Variants in KIF13B observed in about 807,000 individuals in gnomAD.
KIF13B encodes kinesin family member 13B.
Under a neutral mutation model 222.0 loss-of-function variants are expected in KIF13B, and 127 were observed. The observed-to-expected ratio is 0.57, with a 90% confidence interval of 0.50 to 0.66. KIF13B has a LOEUF of 0.66. Ranked by LOEUF, KIF13B falls within the 30% of genes least tolerant of loss-of-function variation. KIF13B has a pLI of 0.00. For missense variants in KIF13B, 2,173 were observed against 2,379.0 expected (o/e 0.91, Z 1.80); for synonymous variants, 976 against 919.0 (o/e 1.06, Z -1.12).
At chr8:29,127,345 G>A in intron 24 of KIF13B, 77 bp from the exon 25 acceptor site, 1 of 1,251,300 alleles carries the variant, frequency 8.0e-7, no homozygotes, top group Non-Finnish European at 1.1e-6. Flanking sequence ...ACCCCTACAG[G>A]CTGATGTTGA....
intron 28 of KIF13B, 105 bp from the exon 29 acceptor site, chr8:29,122,751 A>T (rs1352778060): frequency 2.3e-6 from 2 of 870,468 alleles, no homozygotes; most frequent in Non-Finnish European, 3.8e-6. Flanking sequence ...AGGGCAAAGC[A>T]GTAATAACCC....
intron 10 of KIF13B, among the ~76,000 whole-genome samples, chr8:29,171,849 C>T (rs1474974979): frequency 6.7e-6 from 1 of 149,048 alleles, no homozygotes; most frequent in African/African-American, 2.5e-5. Flanking sequence ...CCTCTACCTC[C>T]TGGGTACAAT....
chr8:29,146,347 CTT>C, intron 18 of KIF13B, 29 bp downstream of exon 18: 1 of 1,611,358 alleles, frequency 6.2e-7, no homozygotes, highest in Non-Finnish European at 8.5e-7. Flanking sequence ...CCAATGAGAT[CTT>C]TGTTTTTTTC....
intron 1 of KIF13B, among the ~76,000 whole-genome samples, chr8:29,253,751 A>G (rs1305831093): frequency 2.1e-5 from 3 of 145,186 alleles, no homozygotes; most frequent in Non-Finnish European, 3.0e-5. Flanking sequence ...AACTGCTTGA[A>G]TCTGGGAGGC....
Position 29,070,865 on chromosome 8 carries a change from C to A in KIF13B, c.5219-99G>T, listed in dbSNP as rs966663490. 1.6e-6 allele frequency: 2 copies of A among 1,275,214 alleles called. No homozygotes were observed. The highest frequency in any genetic ancestry group is 2.6e-5 in the East Asian group (1 of 39,108). The allele number at this position is 1,275,214 out of a possible 1,614,324, so 79.0% of individuals were successfully genotyped here. A position where few individuals can be genotyped will look rare whatever the true frequency, so the allele number is the denominator to read the frequency against. On this transcript the variant is annotated intron_variant, in intron 39 of 39. Transcript: ENST00000524189. This position sits in a 1 kb window ranked among gnomAD's most constrained non-coding sequence, Gnocchi z 4.1. ...CAGAGGCCATGTGCCCACACTGCCA[C>A]CCCCCCGCACAGGCCCTACACAGCC... is the stretch of plus-strand genomic sequence containing the variant.
intron 10 of KIF13B, among the ~76,000 whole-genome samples, chr8:29,170,137 G>A (rs1812175057): frequency 6.6e-6 from 1 of 152,212 alleles, no homozygotes; most frequent in Non-Finnish European, 1.5e-5. Context: ...AGTAGAAAGT[G>A]TCTTGTTTAC....
chr8:29,170,370 T>C (rs1253631984), intron 10 of KIF13B, among the ~76,000 whole-genome samples: 2 of 152,202 alleles, frequency 1.3e-5, no homozygotes, highest in Non-Finnish European at 2.9e-5. Flanking sequence ...AGAACAGAGC[T>C]GAAATTACTC....
chr8:29,163,039 T>C (rs1425571623), intron 12 of KIF13B, among the ~76,000 whole-genome samples: 3 of 152,228 alleles, frequency 2.0e-5, no homozygotes, highest in Admixed American at 6.5e-5. Context: ...ATGCATTGTC[T>C]GTCAACCCCT....
In KIF13B at chr8:29,119,717, C is replaced by A. The variant is rs768691298; in HGVS notation, c.3536-725G>T. ...AGAACAGGCCAGAATCACCCTCAGG[C>A]GCCAAGTTCAGAACACCACAGCAGG... On this transcript the variant is annotated intron_variant, in intron 29 of 39. Transcript: ENST00000524189. 2.0e-5 allele frequency among the ~76,000 whole-genome samples: 3 copies of A among 152,142 alleles called. No individual in the cohort carries two copies. In the East Asian group the frequency reaches 5.8e-4, roughly 29 times the overall value.
intron 13 of KIF13B, among the ~76,000 whole-genome samples, chr8:29,160,286 A>C (rs1429635176): frequency 6.6e-6 from 1 of 152,214 alleles, no homozygotes; most frequent in Admixed American, 6.5e-5. Context: ...AATTTTTCCT[A>C]AGAGTTACTG....
chr8:29,255,038 A>T (rs1279400309), intron 1 of KIF13B, among the ~76,000 whole-genome samples: 1 of 152,364 alleles, frequency 6.6e-6, no homozygotes, highest in Admixed American at 6.5e-5. Flanking sequence ...GTGAGATACA[A>T]AAGTCCACAT....
intron 2 of KIF13B, among the ~76,000 whole-genome samples, chr8:29,203,889 T>C (rs1393861341): frequency 2.2e-4 from 11 of 50,614 alleles, no homozygotes; most frequent in African/African-American, 9.1e-4. Context: ...GGGAGTTCCG[T>C]CTCAAAAAAA....
At chr8:29,112,597 C>T (rs948193395) in intron 32 of KIF13B, among the ~76,000 whole-genome samples, 4 of 152,216 alleles carry the variant, frequency 2.6e-5, no homozygotes, top group East Asian at 1.9e-4. Flanking sequence ...ATGTCTCACA[C>T]CCCCACTTCT....
At chr8:29,083,595 A>G (rs749248505) in intron 37 of KIF13B, among the ~76,000 whole-genome samples, 10 of 152,212 alleles carry the variant, frequency 6.6e-5, no homozygotes, top group Non-Finnish European at 1.5e-4. Context: ...TATGTCCACT[A>G]TATTACCTAC....
chr8:29,220,188 A>G (rs957089731), intron 2 of KIF13B, among the ~76,000 whole-genome samples: 4 of 152,248 alleles, frequency 2.6e-5, no homozygotes, highest in African/African-American at 9.6e-5. Flanking sequence ...CTGAAATGTA[A>G]GGCTACGTGA....
intron 1 of KIF13B, among the ~76,000 whole-genome samples, chr8:29,252,531 T>A (rs1218144191): frequency 1.3e-5 from 2 of 152,246 alleles, no homozygotes; most frequent in African/African-American, 4.8e-5. Flanking sequence ...TATCTAACTA[T>A]AATTTACTCT....
At chr8:29,209,324 T>C (rs1814101900) in intron 2 of KIF13B, among the ~76,000 whole-genome samples, 1 of 152,106 alleles carries the variant, frequency 6.6e-6, no homozygotes, top group African/African-American at 2.4e-5. Context: ...GTCTCTCCAT[T>C]CTGATGTGGA....
In KIF13B at chr8:29,147,432, G is replaced by A. The variant is rs761718096; in HGVS notation, c.1984C>T (p.Pro662Ser). The change falls in exon 17 of 40, where the codon CCC (proline) becomes TCC (serine). Residue 662 changes from proline (P) to serine (S), a missense_variant. Around this residue, in one of 2 missense-constraint regions of KIF13B, gnomAD observed 1,480 missense variants for 1,722.8 expected, o/e 0.86. Transcript: ENST00000524189. ...TGTCTTAAGCGTTGCTGAGCGCTGG[G>A]CGAGTGGAAAGAAAACCTGTCCATG... is the stretch of plus-strand genomic sequence containing the variant. Reference protein sequence around the residue: ...RSMDRFSFHSPSAQQRLRQWA... With the variant: ...RSMDRFSFHSSSAQQRLRQWA... The A allele has an allele frequency of 6.2e-7, 1 of 1,611,036 alleles. No individual in the cohort carries two copies. Among genetic ancestry groups the A allele is most frequent in the South Asian group, 1.1e-5 (1 of 90,366 alleles).
intron 14 of KIF13B, among the ~76,000 whole-genome samples, chr8:29,152,883 G>T (rs1040607653): frequency 6.6e-6 from 1 of 152,138 alleles, no homozygotes; most frequent in African/African-American, 2.4e-5. Context: ...TAGCCGCAAA[G>T]TATTTTTAAG....
Sources: gnomAD v4.1 joint callset for allele counts (sites outside exome capture counted in the v4.1 genomes callset) on GRCh38, gnomAD v4.1.1 for gene constraint, gnomAD v4.1.1 regional missense constraint, Gnocchi (gnomAD v3.1) non-coding constraint, MANE v1.5 for transcripts, NCBI Gene and HGNC (gene_info 2026-07-23, HGNC 2026-07-21) for gene names.